Variants in MCPH1 observed in about 807,000 individuals in gnomAD.
MCPH1 encodes microcephalin.
In MCPH1, 104 loss-of-function variants were observed where a neutral mutation model predicts 84.5. The observed-to-expected ratio is 1.23, with a 90% CI of 1.05 to 1.45. The LOEUF (loss-of-function observed/expected upper bound fraction) is 1.45, where lower values mean the gene tolerates loss of function less well. Among genes scored for constraint, MCPH1 ranks in the 40% most tolerant of loss-of-function variants. The pLI, the probability that MCPH1 is intolerant of heterozygous loss-of-function variation, is 0.00. For missense variants in MCPH1, 1,498 were observed against 1,005.7 expected (o/e 1.49, Z -6.62); for synonymous variants, 514 against 366.8 (o/e 1.40, Z -4.58).
intron 12 of MCPH1, among the ~76,000 whole-genome samples, chr8:6,526,204 A>G (rs1444288429): frequency 6.7e-6 from 1 of 150,214 alleles, no homozygotes; most frequent in Admixed American, 6.7e-5. Flanking sequence ...CAGAAGGCTT[A>G]AATTCAGGAG....
At chr8:6,642,854 T>C (rs1350491119) in intron 13 of MCPH1, 140 bp from the exon 14 acceptor site, 10 of 750,002 alleles carry the variant, frequency 1.3e-5, no homozygotes, top group Admixed American at 1.0e-4. Flanking sequence ...GTGTGCTCTA[T>C]GGACGTGGGG....
rs529289407 is a variant in MCPH1, at chr8:6,437,902, T to C, written c.437-1051T>C. Among the ~76,000 whole-genome samples the C allele has an allele frequency of 5.9e-5, 9 of 152,328 alleles. No individual in the cohort carries two copies. In the East Asian group the frequency reaches 1.7e-3, roughly 29 times the overall value. On this transcript the variant is annotated intron_variant, in intron 5 of 13. Coordinates refer to ENST00000344683, the MANE Select transcript of MCPH1 (RefSeq NM_024596.5). Reference sequence around the variant, plus strand: ...AGCCACTCCTTACGCTGCCCTCCACTGTCTCCTTACAGTTCATCTCTGTGC... The same window carrying C: ...AGCCACTCCTTACGCTGCCCTCCACCGTCTCCTTACAGTTCATCTCTGTGC...
At chr8:6,583,112 T>C (rs1827689776) in intron 12 of MCPH1, among the ~76,000 whole-genome samples, 1 of 152,130 alleles carries the variant, frequency 6.6e-6, no homozygotes, top group Non-Finnish European at 1.5e-5. Context: ...GCAATCTCTA[T>C]CCTAACCAGC....
intron 12 of MCPH1, among the ~76,000 whole-genome samples, chr8:6,594,244 A>G (rs569219875): frequency 2.8e-4 from 42 of 152,260 alleles, no homozygotes; most frequent in Non-Finnish European, 5.0e-4. Flanking sequence ...CAGCGTTTCT[A>G]TTAAAGGGTT....
chr8:6,463,852 A>G (rs1806550325), intron 9 of MCPH1, among the ~76,000 whole-genome samples: 1 of 152,260 alleles, frequency 6.6e-6, no homozygotes, highest in African/African-American at 2.4e-5. Flanking sequence ...AGTTTGCAGT[A>G]ATGCCAGGCC....
chr8:6,641,721 G>A (rs899295866), intron 13 of MCPH1, among the ~76,000 whole-genome samples: 1 of 152,188 alleles, frequency 6.6e-6, no homozygotes, highest in Admixed American at 6.6e-5. Flanking sequence ...TCTAACCTGC[G>A]TGACTGAGCA....
In MCPH1 at chr8:6,483,262, A is replaced by G. The variant is rs182837210; in HGVS notation, c.2136+2386A>G. Among the ~76,000 whole-genome samples, 438 of 152,388 alleles carry G rather than the reference A, an allele frequency of 2.9e-3. 4 individuals are homozygous for G. Among genetic ancestry groups the G allele is most frequent in the African/African-American group, 9.9e-3 (410 of 41,594 alleles). On this transcript the variant is annotated intron_variant, in intron 11 of 13. Coordinates refer to ENST00000344683, the MANE Select transcript of MCPH1 (RefSeq NM_024596.5). Reference sequence around the variant, plus strand: ...ATGTCACTTCTTCCCAAAATGATGTATAGATTTAACACATTCTCATTCAAA... The same window carrying G: ...ATGTCACTTCTTCCCAAAATGATGTGTAGATTTAACACATTCTCATTCAAA...
At chr8:6,513,634 C>G in intron 12 of MCPH1, 1 of 1,573,472 alleles carries the variant, frequency 6.4e-7, no homozygotes. Context: ...TGCCCGGCCA[C>G]AAATCTTTTA....
intron 3 of MCPH1, among the ~76,000 whole-genome samples, chr8:6,419,818 T>A (rs1799906272): frequency 6.6e-6 from 1 of 152,154 alleles, no homozygotes; most frequent in Non-Finnish European, 1.5e-5. Flanking sequence ...TGATTCAAGT[T>A]CAAGGGTTTT....
intron 12 of MCPH1, among the ~76,000 whole-genome samples, chr8:6,556,199 G>T (rs1177308455): frequency 1.3e-5 from 2 of 151,850 alleles, no homozygotes; most frequent in African/African-American, 4.8e-5. Flanking sequence ...TTTAAAATAT[G>T]TACTATATAA....
At chr8:6,591,342 T>C (rs1436257086) in intron 12 of MCPH1, among the ~76,000 whole-genome samples, 3 of 152,234 alleles carry the variant, frequency 2.0e-5, no homozygotes, top group Middle Eastern at 3.2e-3. Flanking sequence ...CTAGGGCTAG[T>C]GTTTATTAAG....
At chr8:6,521,315 G>T in intron 12 of MCPH1, 1 of 1,613,742 alleles carries the variant, frequency 6.2e-7, no homozygotes, top group Non-Finnish European at 8.5e-7. Context: ...ATTTTGCTTG[G>T]ATACTAACAC....
At chr8:6,545,295 G>A (rs1014429367) in intron 12 of MCPH1, among the ~76,000 whole-genome samples, 1 of 152,142 alleles carries the variant, frequency 6.6e-6, no homozygotes, top group African/African-American at 2.4e-5. Flanking sequence ...ATTTTTAAAA[G>A]TTATCAAGCT....
intron 12 of MCPH1, chr8:6,508,951 A>G: frequency 6.2e-7 from 1 of 1,614,064 alleles, no homozygotes; most frequent in East Asian, 2.2e-5. Flanking sequence ...GCATTTGTGA[A>G]CATTTGCAAA....
chr8:6,607,980 G>C (rs892312705), intron 12 of MCPH1, among the ~76,000 whole-genome samples: 1 of 152,192 alleles, frequency 6.6e-6, no homozygotes, highest in East Asian at 1.9e-4. Flanking sequence ...GCTGGGAAAG[G>C]CCAGACCAAC....
intron 8 of MCPH1, among the ~76,000 whole-genome samples, chr8:6,451,663 T>C (rs1376613971): frequency 6.6e-6 from 1 of 152,058 alleles, no homozygotes; most frequent in Non-Finnish European, 1.5e-5. Context: ...GTAGAACCCG[T>C]ATAACTTGCA....
At position 6,645,555 on chromosome 8, in the gene MCPH1, G is replaced by C. The variant is rs1397678300; in HGVS notation, c.*2506G>C. ...ACAGATTGGAAGTGAAGAAATAAAA[G>C]TCTTTATTCTCAAGAATACAAGACA... On this transcript the variant is annotated 3_prime_UTR_variant, in exon 14 of 14. Coordinates refer to ENST00000344683, the MANE Select transcript of MCPH1 (RefSeq NM_024596.5). 1 of 125,012 alleles carries C rather than the reference G, an allele frequency of 8.0e-6. No individual in the cohort carries two copies. Among genetic ancestry groups the C allele is most frequent in the African/African-American group, 3.2e-5 (1 of 31,244 alleles). 7.7% of individuals were successfully genotyped at this position (125,012 alleles called of 1,614,324 possible). A position where few individuals can be genotyped will look rare whatever the true frequency, so the allele number is the denominator to read the frequency against.
intron 12 of MCPH1, among the ~76,000 whole-genome samples, chr8:6,540,521 A>G (rs1821348586): frequency 6.6e-6 from 1 of 152,240 alleles, no homozygotes; most frequent in Admixed American, 6.5e-5. Context: ...GCCTCATGGC[A>G]CGTTATGCAT....
intron 5 of MCPH1, 105 bp from the exon 6 acceptor site, chr8:6,438,848 G>C: frequency 3.0e-6 from 3 of 1,014,462 alleles, no homozygotes; most frequent in Non-Finnish European, 3.0e-6. Flanking sequence ...TGTTGAAAGG[G>C]AAGAAGGAAA....
Sources: gnomAD v4.1 joint callset for allele counts (sites outside exome capture counted in the v4.1 genomes callset) on GRCh38, gnomAD v4.1.1 for gene constraint, MANE v1.5 for transcripts, NCBI Gene and HGNC (gene_info 2026-07-23, HGNC 2026-07-21) for gene names.